Variants in FDPS observed in about 807,000 individuals in gnomAD.
The protein encoded by FDPS is farnesyl diphosphate synthase, also known as farnesyl pyrophosphate synthase.
FDPS carries 29 observed loss-of-function variants against 49.5 expected under a neutral mutation model. That is an observed-to-expected ratio of 0.59 (90% CI 0.44 to 0.80). FDPS has a LOEUF of 0.80. Ranked by LOEUF, FDPS falls within the 30% of genes least tolerant of loss-of-function variation. FDPS has a pLI of 0.00. For synonymous variants in FDPS, 172 were observed against 206.4 expected, an observed-to-expected ratio of 0.83 and a Z score of 1.43; for missense variants, 414 against 525.6, an observed-to-expected ratio of 0.79 and a Z score of 2.08.
intron 3 of FDPS, chr1:155,310,438 G>C: frequency 1.9e-6 from 1 of 515,376 alleles, no homozygotes; most frequent in Non-Finnish European, 3.5e-6. Context: ...AGCCTTCTGA[G>C]TAGCTGGGAT....
In FDPS at chr1:155,318,103, G is replaced by T. The variant is rs999731346; in HGVS notation, c.562-66G>T. 7 of 1,613,040 alleles carry T rather than the reference G, an allele frequency of 4.3e-6. No homozygotes were observed. The East Asian group carries it at 1.6e-4, about 36-fold the overall frequency. On this transcript the variant is annotated intron_variant, in intron 5 of 10. Transcript: ENST00000368356. This position sits in a 1 kb window ranked among gnomAD's most constrained non-coding sequence, Gnocchi z 4.2. ...ATATATGGCCTGGTTGAGGTGTTGG[G>T]GTGATGGCTCTTAGTATGAACCGAG...
intron 2 of FDPS, 22 bp downstream of exon 2, chr1:155,309,987 G>A (rs1648620898): frequency 1.9e-6 from 3 of 1,610,324 alleles, no homozygotes; most frequent in African/African-American, 1.3e-5. Flanking sequence ...TGGGGTGAGG[G>A]GCCTTGGGGA....
At chr1:155,313,778 G>A (rs1420612223) in intron 4 of FDPS, among the ~76,000 whole-genome samples, 1 of 152,144 alleles carries the variant, frequency 6.6e-6, no homozygotes, top group African/African-American at 2.4e-5. Flanking sequence ...TGGGGGCCAA[G>A]GGAAGCAAGA....
chr1:155,315,556 G>A (rs949632166), intron 4 of FDPS, among the ~76,000 whole-genome samples: 1 of 152,138 alleles, frequency 6.6e-6, no homozygotes, highest in African/African-American at 2.4e-5. Context: ...GGTGGCAGGC[G>A]CCTGTAGTCC....
chr1:155,317,193 AAACACAGTG>A (rs1649545646), intron 4 of FDPS: 1 of 152,270 alleles, frequency 6.6e-6, no homozygotes, highest in East Asian at 1.9e-4. Context: ...CAGGGTGTTC[AAACACAGTG>A]CTGGGGGCAA....
chr1:155,320,435 G>A lies in FDPS; in HGVS notation c.1086G>A (p.Glu362=). ...AAAATTACGGGCAGAAGGAGGCTGA[G>A]AAAGTGGCCCGGGTGAAGGCGCTAT... The part of the protein sequence containing the change: ...LKENYGQKEA[E]KVARVKALYE... The change falls in exon 11 of 11, where the codon GAG becomes GAA. Residue 362 remains glutamate (E), a synonymous_variant. Coordinates refer to ENST00000368356, the MANE Select transcript of FDPS (RefSeq NM_002004.4). The A allele has an allele frequency of 6.2e-7, 1 of 1,613,614 alleles. No individual in the cohort carries two copies. Among genetic ancestry groups the A allele is most frequent in the African/African-American group, 1.3e-5 (1 of 75,014 alleles).
Position 155,318,220 on chromosome 1 carries a change from A to G in FDPS, c.613A>G (p.Ile205Val), listed in dbSNP as rs1261405852. The change falls in exon 6 of 11, where the codon ATC becomes GTC. Residue 205 changes from isoleucine (I) to valine (V), a missense_variant. By Grantham distance (29) the Ile-to-Val change is conservative. Transcript: ENST00000368356. This position sits in a 1 kb window ranked among gnomAD's most constrained non-coding sequence, Gnocchi z 4.2. ...INDANLLEACIYRLLKLYCRE... is the reference protein window; with the variant it reads ...INDANLLEACVYRLLKLYCRE... ...TGATGCTAACCTCCTGGAAGCATGT[A>G]TCTACCGCCTGCTGAAGCTCTATTG... is the stretch of plus-strand genomic sequence containing the variant. 1 of 1,614,038 alleles carries G rather than the reference A, an allele frequency of 6.2e-7. No individual in the cohort carries two copies. The highest frequency in any genetic ancestry group is 1.7e-5 in the Admixed American group (1 of 60,024).
intron 4 of FDPS, among the ~76,000 whole-genome samples, chr1:155,313,564 C>T (rs1045042374): frequency 3.3e-5 from 5 of 152,094 alleles, no homozygotes; most frequent in African/African-American, 1.2e-4. Flanking sequence ...GTCCTGTGGG[C>T]GGTGGAAATT....
chr1:155,317,241 AG>A (rs941617146), intron 4 of FDPS: 1 of 152,194 alleles, frequency 6.6e-6, no homozygotes, highest in African/African-American at 2.4e-5. Flanking sequence ...TTATTTAGGA[AG>A]TAATGTGAAG....
Position 155,309,770 on chromosome 1 carries a change from C to A in FDPS, c.-1-19C>A. On this transcript the variant is annotated intron_variant, in intron 1 of 10. Coordinates refer to ENST00000368356, the MANE Select transcript of FDPS (RefSeq NM_002004.4). ...CCCTGCAGGGAGTGCTTAGTGCCCCCTCCCTATGCCACTCCCAGGATGCCC... is the reference window on the plus strand; with the variant it reads ...CCCTGCAGGGAGTGCTTAGTGCCCCATCCCTATGCCACTCCCAGGATGCCC... The A allele has an allele frequency of 6.6e-7, 1 of 1,518,018 alleles. No homozygotes were observed. The highest frequency in any genetic ancestry group is 8.9e-7 in the Non-Finnish European group (1 of 1,125,774). The allele number at this position is 1,518,018 out of a possible 1,614,324, so 94.0% of individuals were successfully genotyped here. A position where few individuals can be genotyped will look rare whatever the true frequency, so the allele number is the denominator to read the frequency against.
Position 155,318,425 on chromosome 1 carries a change from G to T in FDPS, c.684+134G>T, listed in dbSNP as rs1649754554. On this transcript the variant is annotated intron_variant, in intron 6 of 10. Coordinates refer to ENST00000368356, the MANE Select transcript of FDPS (RefSeq NM_002004.4). The surrounding 1 kb of genome is among the most constrained non-coding windows in gnomAD (Gnocchi z 4.2). ...GAAGGGAAAGAAAGCGAGGAAGGGTGTTGGGAAGTGGGGTTGTGGTAGTGG... is the reference window on the plus strand; with the variant it reads ...GAAGGGAAAGAAAGCGAGGAAGGGTTTTGGGAAGTGGGGTTGTGGTAGTGG... 8.2e-7 allele frequency: 1 copy of T among 1,212,724 alleles called. No homozygotes were observed. The highest frequency in any genetic ancestry group is 1.2e-6 in the Non-Finnish European group (1 of 848,772). 75.1% of individuals were successfully genotyped at this position (1,212,724 alleles called of 1,614,324 possible).
intron 4 of FDPS, among the ~76,000 whole-genome samples, chr1:155,316,380 A>G (rs1572090462): frequency 2.6e-5 from 4 of 152,128 alleles, no homozygotes; most frequent in South Asian, 4.1e-4. Context: ...GATTCTCAAG[A>G]GTTGAGACAG....
In FDPS at chr1:155,310,074, G is replaced by T. The variant is rs937969772; in HGVS notation, c.208G>T (p.Asp70Tyr). 4 of 1,613,834 alleles carry T rather than the reference G, an allele frequency of 2.5e-6. No homozygotes were observed. Among genetic ancestry groups the T allele is most frequent in the Non-Finnish European group, 3.4e-6 (4 of 1,180,018 alleles). Residue 70 changes from aspartate to tyrosine, a missense_variant, in exon 3 of 11, where the codon GAC becomes TAC. Transcript: ENST00000368356. ...ALCSSLRMNGDQNSDVYAQEK... is the reference protein window; with the variant it reads ...ALCSSLRMNGYQNSDVYAQEK... The stretch of plus-strand genomic sequence containing the variant: ...TTGCTCCTCCCTCAGAATGAACGGA[G>T]ACCAGAATTCAGATGTTTATGCCCA...
At chr1:155,315,640 G>A (rs1443930086) in intron 4 of FDPS, among the ~76,000 whole-genome samples, 2 of 151,880 alleles carry the variant, frequency 1.3e-5, no homozygotes, top group African/African-American at 2.4e-5. Context: ...CTGAGATTGT[G>A]CCACTGCACT....
chr1:155,320,176 A>G (rs1650165237), intron 10 of FDPS: 1 of 644,262 alleles, frequency 1.6e-6, no homozygotes, highest in African/African-American at 1.8e-5. Context: ...CCAAATTTCA[A>G]TAGTGCCAAG....
At chr1:155,316,543 C>T (rs1243825612) in intron 4 of FDPS, among the ~76,000 whole-genome samples, 4 of 151,866 alleles carry the variant, frequency 2.6e-5, no homozygotes, top group Admixed American at 6.6e-5. Flanking sequence ...TTTGGGAGGC[C>T]GAGGCAGGCG....
At chr1:155,317,764 A>G (rs1649637832) in intron 4 of FDPS, 177 bp from the exon 5 acceptor site, 1 of 568,974 alleles carries the variant, frequency 1.8e-6, no homozygotes, top group East Asian at 3.0e-5. Context: ...GGATCACTTG[A>G]GCCTGGGAGT....
chr1:155,316,769 T>C (rs1649474472), intron 4 of FDPS: 1 of 149,224 alleles, frequency 6.7e-6, no homozygotes, highest in Non-Finnish European at 1.5e-5. Context: ...CCAGCTTGGG[T>C]GATAGAGTGA....
chr1:155,312,236 C>A lies in FDPS; in HGVS notation c.340-19C>A, dbSNP rs1486301016. 1 of 1,612,950 alleles carries A rather than the reference C, an allele frequency of 6.2e-7. No individual in the cohort carries two copies. The highest frequency in any genetic ancestry group is 1.3e-5 in the African/African-American group (1 of 74,886). Reference sequence around the variant, plus strand: ...CTGTATGGACCCTGATACCCTGTACCTCTTTCCTTGCCCTCCAGGTCCTGG... The same window carrying A: ...CTGTATGGACCCTGATACCCTGTACATCTTTCCTTGCCCTCCAGGTCCTGG... On this transcript the variant is annotated intron_variant, in intron 3 of 10. Transcript: ENST00000368356.
Sources: allele counts gnomAD v4.1 joint callset (sites outside exome capture counted in the v4.1 genomes callset), GRCh38; gene constraint gnomAD v4.1.1; non-coding constraint Gnocchi (gnomAD v3.1); transcripts MANE v1.5; gene names NCBI Gene and HGNC (gene_info 2026-07-23, HGNC 2026-07-21).